The following CCNI2 variants were observed in gnomAD, a reference collection of about 807,000 sequenced individuals.
CCNI2 encodes cyclin I family member 2.
In CCNI2, 32 loss-of-function variants were observed where a neutral mutation model predicts 33.2. That is an observed-to-expected ratio of 0.96 (90% confidence interval 0.73 to 1.30). The LOEUF is 1.30. CCNI2 is among the 50% of genes most tolerant of loss of function. CCNI2 has a pLI of 0.00. For synonymous variants in CCNI2, 231 were observed against 219.9 expected (o/e 1.05, Z -0.45); for missense variants, 452 against 486.2 (o/e 0.93, Z 0.66).
At position 132,751,236 on chromosome 5, in the gene CCNI2, C is replaced by T. The variant is rs529639535; in HGVS notation, c.774+239C>T. 2.2e-4 allele frequency: 94 copies of T among 434,420 alleles called. 1 individual carries two copies. The South Asian group carries it at 3.8e-3, about 17-fold the overall frequency. The allele number at this position is 434,420 out of a possible 1,614,324, so 26.9% of individuals were successfully genotyped here. ...AATTAACTTTACAAAGATTTTTAGA[C>T]GGCACTATTATGGTGAGTTTCTCTT... On this transcript the variant is annotated intron_variant, in intron 4 of 5. Coordinates refer to ENST00000378731, the MANE Select transcript of CCNI2 (RefSeq NM_001039780.4).
At chr5:132,748,936 C>G (rs751285043) in intron 2 of CCNI2, among the ~76,000 whole-genome samples, 2 of 152,090 alleles carry the variant, frequency 1.3e-5, no homozygotes, top group African/African-American at 2.4e-5. Context: ...GAAATTGAGC[C>G]TTTTAAAAAT....
chr5:132,752,113 G>C lies in CCNI2; in HGVS notation c.922G>C (p.Ala308Pro). Residue 308 changes from alanine (A) to proline (P), a missense_variant, in exon 5 of 6, where the codon GCC becomes CCC. Ala to Pro is a conservative substitution (Grantham distance 27). Transcript: ENST00000378731. ...GCTGCAGTTCAAGGGCTCCACACTG[G>C]CCTTGGTCATCATCACCTTAGAGCT... ...QLLQFKGSTL[A>P]LVIITLELER... 1 of 1,599,040 alleles carries C rather than the reference G, an allele frequency of 6.3e-7. No homozygotes were observed. Among genetic ancestry groups the C allele is most frequent in the South Asian group, 1.1e-5 (1 of 88,142 alleles).
intron 4 of CCNI2, 45 bp from the exon 5 acceptor site, chr5:132,751,921 A>C (rs1468838726): frequency 6.4e-7 from 1 of 1,554,692 alleles, no homozygotes; most frequent in East Asian, 2.4e-5. Context: ...GATATAGGAA[A>C]AGTATGGCGT....
chr5:132,747,990 A>G lies in CCNI2; in HGVS notation c.429+66A>G. On this transcript the variant is annotated intron_variant, in intron 1 of 5. Coordinates refer to ENST00000378731, the MANE Select transcript of CCNI2 (RefSeq NM_001039780.4). This position sits in a 1 kb window ranked among gnomAD's most constrained non-coding sequence, Gnocchi z 4.1. The stretch of plus-strand genomic sequence containing the variant: ...GCAGGCGGATGTGGCCTCCACCTGC[A>G]CCCGCGCTCGGGTGTTCTGAAACTG... The G allele has an allele frequency of 3.7e-6, 5 of 1,336,556 alleles. No individual in the cohort carries two copies. The highest frequency in any genetic ancestry group is 4.8e-6 in the Non-Finnish European group (5 of 1,040,398). The allele number at this position is 1,336,556 out of a possible 1,614,324, so 82.8% of individuals were successfully genotyped here. A position where few individuals can be genotyped will look rare whatever the true frequency, so the allele number is the denominator to read the frequency against.
rs1561724527 is a variant in CCNI2, at chr5:132,748,447, T to TC, written c.531dup (p.Phe178LeufsTer30). On this transcript the variant is annotated frameshift_variant, in exon 2 of 6. Coordinates refer to ENST00000378731, the MANE Select transcript of CCNI2 (RefSeq NM_001039780.4). LOFTEE classifies it high-confidence loss of function. Reference sequence around the variant, plus strand: ...TCCACTTTTAACCTGGCCCTCACCATCTTTGGCCGCCTCCTGATTTCAGTG... The same window carrying TC: ...TCCACTTTTAACCTGGCCCTCACCATCCTTTGGCCGCCTCCTGATTTCAGTG... 1.2e-5 allele frequency: 19 copies of TC among 1,614,156 alleles called. No individual in the cohort carries two copies. The highest frequency in any genetic ancestry group is 1.5e-5 in the Non-Finnish European group (18 of 1,180,010).
intron 5 of CCNI2, 113 bp from the exon 6 acceptor site, chr5:132,752,753 G>T: frequency 1.3e-6 from 1 of 761,858 alleles, no homozygotes. Flanking sequence ...GTCCTTAGTT[G>T]GGTGGTTGGA....
rs188281680 is a variant in CCNI2 at position 132,748,256 on chromosome 5, C to T, written c.430-91C>T. 108 of 1,541,192 alleles carry T rather than the reference C, an allele frequency of 7.0e-5. No homozygotes were observed. The African/African-American group carries it at 7.6e-4, about 11-fold the overall frequency. ...GAAGGGACTTCTCACTGCCCCACCC[C>T]CCGCACCTTAAGCAGGAGGCTCCTG... On this transcript the variant is annotated intron_variant, in intron 1 of 5. Transcript: ENST00000378731.
rs760823220 is a variant in CCNI2, at chr5:132,747,455, C to T, written c.-41C>T. 6.2e-5 allele frequency: 86 copies of T among 1,393,198 alleles called. No homozygotes were observed. The East Asian group carries it at 2.0e-3, about 32-fold the overall frequency. The allele number at this position is 1,393,198 out of a possible 1,614,324, so 86.3% of individuals were successfully genotyped here. A position where few individuals can be genotyped will look rare whatever the true frequency, so the allele number is the denominator to read the frequency against. On this transcript the variant is annotated 5_prime_UTR_variant, in exon 1 of 6. Coordinates refer to ENST00000378731, the MANE Select transcript of CCNI2 (RefSeq NM_001039780.4). The surrounding 1 kb of genome is among the most constrained non-coding windows in gnomAD (Gnocchi z 4.1). Reference sequence around the variant, plus strand: ...TTCCGGGAGCTGGGTTATAAAATGCCGGGTTAAGCGGCAACTCAGACTCAG... The same window carrying T: ...TTCCGGGAGCTGGGTTATAAAATGCTGGGTTAAGCGGCAACTCAGACTCAG...
rs576875411 is a variant in CCNI2 at position 132,747,493 on chromosome 5, G to T, written c.-3G>T. The T allele has an allele frequency of 2.7e-6, 4 of 1,468,182 alleles. No homozygotes were observed. Among genetic ancestry groups the T allele is most frequent in the African/African-American group, 2.9e-5 (2 of 68,250 alleles). 90.9% of individuals were successfully genotyped at this position (1,468,182 alleles called of 1,614,324 possible). ...AACTCAGACTCAGGATCCCGCTCAC[G>T]ACATGGCCTCGGGCGCTCAGCTCCC... On this transcript the variant is annotated 5_prime_UTR_variant, in exon 1 of 6. Coordinates refer to ENST00000378731, the MANE Select transcript of CCNI2 (RefSeq NM_001039780.4). This position sits in a 1 kb window ranked among gnomAD's most constrained non-coding sequence, Gnocchi z 4.1.
At position 132,747,928 on chromosome 5, in the gene CCNI2, C is replaced by T. The variant is rs750047221; in HGVS notation, c.429+4C>T. 5.1e-6 allele frequency: 7 copies of T among 1,373,310 alleles called. No homozygotes were observed. In the South Asian group the frequency reaches 1.0e-4, roughly 20 times the overall value. 85.1% of individuals were successfully genotyped at this position (1,373,310 alleles called of 1,614,324 possible). On this transcript the variant is annotated splice_donor_region_variant and intron_variant, in intron 1 of 5. Transcript: ENST00000378731. The surrounding 1 kb of genome is among the most constrained non-coding windows in gnomAD (Gnocchi z 4.1). The stretch of plus-strand genomic sequence containing the variant: ...GTGGCGGGGCGGCAAACCCCAGGTA[C>T]CCGTCGCTGCCGCGTGGCCCTCCTC...
rs749257924 is a variant in CCNI2, at chr5:132,750,910, G to T, written c.687G>T (p.Pro229=). The part of the protein sequence containing the change: ...FTKHYGSDYS[P]NELLRMELAI... Reference sequence around the variant, plus strand: ...AGCACTATGGCTCTGACTATTCCCCGAATGAGCTGCTGAGGATGGAGCTGG... The same window carrying T: ...AGCACTATGGCTCTGACTATTCCCCTAATGAGCTGCTGAGGATGGAGCTGG... Residue 229 remains proline, a synonymous_variant, in exon 4 of 6, where the codon CCG becomes CCT. Coordinates refer to ENST00000378731, the MANE Select transcript of CCNI2 (RefSeq NM_001039780.4). The T allele has an allele frequency of 5.8e-5, 94 of 1,614,098 alleles. No individual in the cohort carries two copies. Among genetic ancestry groups the T allele is most frequent in the Non-Finnish European group, 7.5e-5 (88 of 1,180,040 alleles).
At chr5:132,748,177 G>A (rs1754666582) in intron 1 of CCNI2, among the ~76,000 whole-genome samples, 170 bp from the exon 2 acceptor site, 1 of 152,198 alleles carries the variant, frequency 6.6e-6, no homozygotes, top group Admixed American at 6.5e-5. Context: ...AGGGGTGGGG[G>A]TGATGGGTGA....
chr5:132,753,045 G>A lies in CCNI2; in HGVS notation c.*75G>A. The A allele has an allele frequency of 8.3e-7, 1 of 1,202,952 alleles. No homozygotes were observed. The highest frequency in any genetic ancestry group is 1.2e-6 in the Non-Finnish European group (1 of 814,566). 74.5% of individuals were successfully genotyped at this position (1,202,952 alleles called of 1,614,324 possible). On this transcript the variant is annotated 3_prime_UTR_variant, in exon 6 of 6. Coordinates refer to ENST00000378731, the MANE Select transcript of CCNI2 (RefSeq NM_001039780.4). ...TGCTTGGACTACCATGAGTTCTTTG[G>A]CTTGTTATGAATCCTGTAAAAAGGG...
rs774473174 is a variant in CCNI2 at position 132,752,052 on chromosome 5, C to G, written c.861C>G (p.Thr287=). ...RNPSLHVASL[T]RQLQHCMAGH... ...CTTCCCTCCACGTCGCATCCCTGACCAGGCAGCTGCAGCACTGTATGGCGG... is the reference window on the plus strand; with the variant it reads ...CTTCCCTCCACGTCGCATCCCTGACGAGGCAGCTGCAGCACTGTATGGCGG... The change falls in exon 5 of 6, where the codon ACC becomes ACG. Residue 287 remains threonine (T), a synonymous_variant. Transcript: ENST00000378731. The G allele has an allele frequency of 7.9e-5, 127 of 1,610,138 alleles. No individual in the cohort carries two copies. The highest frequency in any genetic ancestry group is 9.2e-5 in the Non-Finnish European group (109 of 1,178,386).
In CCNI2 at chr5:132,752,263, C is replaced by T. The variant is rs1056933613; in HGVS notation, c.1005+67C>T. 7.4e-6 allele frequency: 11 copies of T among 1,488,820 alleles called. No individual in the cohort carries two copies. The African/African-American group carries it at 1.5e-4, about 21-fold the overall frequency. The allele number at this position is 1,488,820 out of a possible 1,614,324, so 92.2% of individuals were successfully genotyped here. A position where few individuals can be genotyped will look rare whatever the true frequency, so the allele number is the denominator to read the frequency against. On this transcript the variant is annotated intron_variant, in intron 5 of 5. Coordinates refer to ENST00000378731, the MANE Select transcript of CCNI2 (RefSeq NM_001039780.4). ...CCCTTTAGCTGACACACTCTGACCC[C>T]AAAGGGGTACCCTTTGCCCTTGTAG...
Position 132,753,046 on chromosome 5 carries a change from C to A in CCNI2, c.*76C>A. On this transcript the variant is annotated 3_prime_UTR_variant, in exon 6 of 6. Transcript: ENST00000378731. ...GCTTGGACTACCATGAGTTCTTTGGCTTGTTATGAATCCTGTAAAAAGGGA... is the reference window on the plus strand; with the variant it reads ...GCTTGGACTACCATGAGTTCTTTGGATTGTTATGAATCCTGTAAAAAGGGA... 1 of 1,192,346 alleles carries A rather than the reference C, an allele frequency of 8.4e-7. No homozygotes were observed. Among genetic ancestry groups the A allele is most frequent in the Non-Finnish European group, 1.2e-6 (1 of 805,558 alleles). 73.9% of individuals were successfully genotyped at this position (1,192,346 alleles called of 1,614,324 possible).
At chr5:132,749,255 C>CA (rs1337895543) in intron 2 of CCNI2, 93 bp from the exon 3 acceptor site, 6 of 1,072,148 alleles carry the variant, frequency 5.6e-6, no homozygotes, top group Non-Finnish European at 7.1e-6. Flanking sequence ...GACTCCATGT[C>CA]AAAAAAGTGT....
At chr5:132,750,834 G>C in intron 3 of CCNI2, 23 bp from the exon 4 acceptor site, 2 of 1,611,640 alleles carry the variant, frequency 1.2e-6, no homozygotes, top group Non-Finnish European at 1.7e-6. Flanking sequence ...TAGGGCTTTG[G>C]CCTCTTTATT....
downstream of CCNI2, among the ~76,000 whole-genome samples, chr5:132,754,757 A>G (rs1755181745): frequency 6.6e-6 from 1 of 152,068 alleles, no homozygotes; most frequent in South Asian, 2.1e-4. Context: ...CTCCTATCCC[A>G]CCTCAACTCA....
Sources: gnomAD v4.1 joint callset for allele counts (sites outside exome capture counted in the v4.1 genomes callset) on GRCh38, gnomAD v4.1.1 for gene constraint, Gnocchi (gnomAD v3.1) non-coding constraint, MANE v1.5 for transcripts, NCBI Gene and HGNC (gene_info 2026-07-23, HGNC 2026-07-21) for gene names.